PEX16: variants seen among roughly 807,000 people sequenced by gnomAD.
PEX16 encodes the protein peroxisomal biogenesis factor 16, also known as peroxin 16.
PEX16 carries 37 observed loss-of-function variants against 50.5 expected under a neutral mutation model. That is an observed-to-expected ratio of 0.73 (90% confidence interval 0.56 to 0.96). The LOEUF (loss-of-function observed/expected upper bound fraction) is 0.96, where lower values mean the gene tolerates loss of function less well. Ranked by LOEUF, PEX16 falls within the 40% of genes least tolerant of loss-of-function variation. The pLI is 0.00. For missense variants in PEX16, 401 were observed against 438.3 expected, an observed-to-expected ratio of 0.91 and a Z score of 0.76; for synonymous variants, 185 against 190.3, an observed-to-expected ratio of 0.97 and a Z score of 0.23.
At chr11:45,916,388 G>T in intron 2 of PEX16, 85 bp from the exon 3 acceptor site, 1 of 1,067,096 alleles carries the variant, frequency 9.4e-7, no homozygotes, top group Non-Finnish European at 1.4e-6. Flanking sequence ...GGGATCACCT[G>T]TCACATGCTC....
Position 45,917,748 on chromosome 11 carries a change from TG to T in PEX16, c.63del (p.Thr22ArgfsTer62). The stretch of plus-strand genomic sequence containing the variant: ...CGCACTGCTGTCTCCAGCTGGGCCG[TG>T]GCGGCCGGGTGACGAGTCACGTACT... ...YQEYVTRHPAATAQLETAVRG... is the reference protein window; with the variant it reads ...YQEYVTRHPAXTAQLETAVRG... On this transcript the variant is annotated frameshift_variant, in exon 1 of 11. Coordinates refer to ENST00000378750, the MANE Select transcript of PEX16 (RefSeq NM_004813.4). LOFTEE classifies it high-confidence loss of function. The T allele has an allele frequency of 6.4e-7, 1 of 1,558,336 alleles. No homozygotes were observed. Among genetic ancestry groups the T allele is most frequent in the Non-Finnish European group, 8.7e-7 (1 of 1,151,866 alleles).
intron 9 of PEX16, 89 bp downstream of exon 9, chr11:45,913,730 C>A: frequency 2.1e-6 from 3 of 1,448,938 alleles, no homozygotes; most frequent in Non-Finnish European, 2.9e-6. Context: ...CTGGATGAGG[C>A]GTGGGGAAGG....
chr11:45,910,436 G>A (rs2086764752), intron 10 of PEX16, 124 bp from the exon 11 acceptor site: 5 of 792,744 alleles, frequency 6.3e-6, no homozygotes, highest in South Asian at 1.4e-5. Context: ...CTGCCCCCAG[G>A]AGGCAGCACT....
At position 45,917,742 on chromosome 11, in the gene PEX16, G is replaced by C. The variant is rs1321643413; in HGVS notation, c.70C>G (p.Gln24Glu). 2 of 1,559,214 alleles carry C rather than the reference G, an allele frequency of 1.3e-6. No individual in the cohort carries two copies. Among genetic ancestry groups the C allele is most frequent in the Admixed American group, 1.9e-5 (1 of 52,212 alleles). Reference sequence around the variant, plus strand: ...AAGCCCCGCACTGCTGTCTCCAGCTGGGCCGTGGCGGCCGGGTGACGAGTC... The same window carrying C: ...AAGCCCCGCACTGCTGTCTCCAGCTCGGCCGTGGCGGCCGGGTGACGAGTC... Reference protein sequence around the residue: ...YVTRHPAATAQLETAVRGFSY... With the variant: ...YVTRHPAATAELETAVRGFSY... Residue 24 changes from glutamine to glutamate, a missense_variant, in exon 1 of 11, where the codon CAG becomes GAG. By Grantham distance (29) the Gln-to-Glu change is conservative. Transcript: ENST00000378750.
intron 2 of PEX16, among the ~76,000 whole-genome samples, 159 bp downstream of exon 2, chr11:45,917,299 C>T (rs1212279978): frequency 2.0e-5 from 3 of 152,136 alleles, no homozygotes; most frequent in Non-Finnish European, 4.4e-5. Context: ...CATGGAGGGC[C>T]CAGGACAATG....
chr11:45,910,393 G>C, intron 10 of PEX16, 81 bp from the exon 11 acceptor site: 1 of 1,193,738 alleles, frequency 8.4e-7, no homozygotes, highest in Non-Finnish European at 1.2e-6. Context: ...TCACCCCTGC[G>C]GCCCAGGAGC....
At chr11:45,916,364 T>C in intron 2 of PEX16, 61 bp from the exon 3 acceptor site, 1 of 1,291,834 alleles carries the variant, frequency 7.7e-7, no homozygotes, top group African/African-American at 1.5e-5. Context: ...TCTCACCTTC[T>C]CCCCAGAGCT....
intron 2 of PEX16, 180 bp downstream of exon 2, chr11:45,917,278 T>G (rs1476173741): frequency 2.2e-5 from 15 of 690,564 alleles, no homozygotes; most frequent in Non-Finnish European, 3.9e-5. Flanking sequence ...ACGTGTCTCT[T>G]GACTTAGGGA....
chr11:45,915,940 C>T lies in PEX16; in HGVS notation c.226-104G>A. ...CTCTGACAAGAGATGTGGACCTTCC[C>T]CTTTCCAAGCCTAACTGTGCAGGTG... On this transcript the variant is annotated intron_variant, in intron 3 of 10. Transcript: ENST00000378750. 10 of 1,119,486 alleles carry T rather than the reference C, an allele frequency of 8.9e-6. No individual in the cohort carries two copies. The South Asian group carries it at 1.3e-4, about 14-fold the overall frequency. The allele number at this position is 1,119,486 out of a possible 1,614,324, so 69.3% of individuals were successfully genotyped here. A position where few individuals can be genotyped will look rare whatever the true frequency, so the allele number is the denominator to read the frequency against.
chr11:45,912,291 G>A (rs1159279906), intron 9 of PEX16, among the ~76,000 whole-genome samples: 1 of 152,044 alleles, frequency 6.6e-6, no homozygotes, highest in Non-Finnish European at 1.5e-5. Flanking sequence ...GAGGTCAGGA[G>A]ATCGAGACCA....
intron 3 of PEX16, 55 bp from the exon 4 acceptor site, chr11:45,915,891 G>A (rs2086829382): frequency 2.5e-6 from 4 of 1,571,288 alleles, no homozygotes; most frequent in African/African-American, 1.4e-5. Flanking sequence ...GGGAGTCCCA[G>A]GCCCTTCTCC....
intron 10 of PEX16, 36 bp downstream of exon 10, chr11:45,910,862 C>T (rs762984042): frequency 6.3e-7 from 1 of 1,580,762 alleles, no homozygotes; most frequent in South Asian, 1.1e-5. Context: ...ATGCGCCTTC[C>T]AGCACTACAG....
At chr11:45,915,177 G>A (rs755264980) in intron 5 of PEX16, among the ~76,000 whole-genome samples, 21 of 152,236 alleles carry the variant, frequency 1.4e-4, no homozygotes, top group Non-Finnish European at 2.5e-4. Flanking sequence ...CTATGGTTCT[G>A]GACACAGAAC....
Position 45,917,453 on chromosome 11 carries a change from C to G in PEX16, c.148+5G>C. ...CCCATCCCCCACCCCCAGAGCCCGG[C>G]TCACCCAGCTCTGACAGCTCGTGCG... On this transcript the variant is annotated splice_donor_5th_base_variant and intron_variant, in intron 2 of 10. Transcript: ENST00000378750. The G allele has an allele frequency of 6.2e-7, 1 of 1,613,814 alleles. No homozygotes were observed. The highest frequency in any genetic ancestry group is 8.5e-7 in the Non-Finnish European group (1 of 1,179,872).
At chr11:45,915,141 C>T (rs781690623) in intron 5 of PEX16, among the ~76,000 whole-genome samples, 5 of 152,244 alleles carry the variant, frequency 3.3e-5, no homozygotes, top group Non-Finnish European at 7.3e-5. Flanking sequence ...AGATGTGGTG[C>T]GTGCCCTGCC....
Position 45,909,930 on chromosome 11 carries a change from C to G in PEX16, c.*324G>C, listed in dbSNP as rs879320611. ...GGGCCAGCGAGAGAGCAGCAGTGTT[C>G]GCTCCTATGGCTGCCGAGGCGAGCA... is the stretch of plus-strand genomic sequence containing the variant. On this transcript the variant is annotated 3_prime_UTR_variant, in exon 11 of 11. Transcript: ENST00000378750. 1.3e-4 allele frequency: 87 copies of G among 682,908 alleles called. No homozygotes were observed. In the Admixed American group the frequency reaches 1.7e-3, roughly 13 times the overall value. The allele number at this position is 682,908 out of a possible 1,614,324, so 42.3% of individuals were successfully genotyped here.
At position 45,909,810 on chromosome 11, in the gene PEX16, C is replaced by T; in HGVS notation, c.*444G>A. 1 of 521,654 alleles carries T rather than the reference C, an allele frequency of 1.9e-6. No individual in the cohort carries two copies. Among genetic ancestry groups the T allele is most frequent in the African/African-American group, 1.9e-5 (1 of 52,536 alleles). The allele number at this position is 521,654 out of a possible 1,614,324, so 32.3% of individuals were successfully genotyped here. On this transcript the variant is annotated 3_prime_UTR_variant, in exon 11 of 11. Coordinates refer to ENST00000378750, the MANE Select transcript of PEX16 (RefSeq NM_004813.4). ...GCCTGGGGCTGCCAGAGCCACAGGG[C>T]CCTGCGGAGAAGGGGCAGACGGAGG...
chr11:45,914,816 T>G, intron 5 of PEX16, 132 bp from the exon 6 acceptor site: 1 of 802,280 alleles, frequency 1.2e-6, no homozygotes, highest in Non-Finnish European at 2.2e-6. Context: ...AACAGCTGAG[T>G]CAAGGGAACT....
chr11:45,914,173 G>C lies in PEX16; in HGVS notation c.725C>G (p.Ser242Trp), dbSNP rs1279952356. 1 of 1,611,226 alleles carries C rather than the reference G, an allele frequency of 6.2e-7. No individual in the cohort carries two copies. Among genetic ancestry groups the C allele is most frequent in the Non-Finnish European group, 8.5e-7 (1 of 1,178,810 alleles). ...ACCAGCCAAGAGCCAGGGTTTCCAC[G>C]ACCTCTGACCCCACAGGCCCAGGCT... ...LLSLGLWGQR[S>W]WKPWLLAGVV... Residue 242 changes from serine (S) to tryptophan (W), a missense_variant, in exon 8 of 11, where the codon TCG (serine) becomes TGG (tryptophan). Ser to Trp is a radical substitution (Grantham distance 177). Transcript: ENST00000378750.
Sources: allele counts gnomAD v4.1 joint callset (sites outside exome capture counted in the v4.1 genomes callset), GRCh38; gene constraint gnomAD v4.1.1; transcripts MANE v1.5; gene names NCBI Gene and HGNC (gene_info 2026-07-23, HGNC 2026-07-21).